Variants in TXLNB observed in about 807,000 individuals in gnomAD.
TXLNB encodes the protein taxilin beta, also known as beta-taxilin.
A neutral mutation model predicts 57.4 loss-of-function variants in TXLNB; 37 were observed. The ratio of observed to expected loss-of-function variants is 0.64; its 90% confidence interval spans 0.50 to 0.85. TXLNB has a LOEUF of 0.85. Ranked by LOEUF, TXLNB falls within the 40% of genes least tolerant of loss-of-function variation. The probability of loss-of-function intolerance (pLI) is 0.00; values close to 1 mark genes in which losing one functional copy is unlikely to be tolerated. For synonymous variants in TXLNB, 302 were observed against 309.6 expected (o/e 0.98, Z 0.26); for missense variants, 848 against 825.6 (o/e 1.03, Z -0.33).
the TXLNB span, chr6:139,203,428 C>T: frequency 6.6e-6 from 1 of 152,312 alleles, no homozygotes; most frequent in East Asian, 1.9e-4. Flanking sequence ...GCCAATGTCC[C>T]ATAATTGCTA....
chr6:139,293,824 TAA>T (rs1230861065), upstream of TXLNB, among the ~76,000 whole-genome samples: 1 of 152,078 alleles, frequency 6.6e-6, no homozygotes, highest in Non-Finnish European at 1.5e-5. Flanking sequence ...ATTTGATAAT[TAA>T]GTTAGTGAAT....
At chr6:139,200,488 A>T in the TXLNB span, among the ~76,000 whole-genome samples, 311 of 152,338 alleles carry the variant, frequency 2.0e-3, 1 homozygote, top group African/African-American at 7.3e-3. Context: ...GATATTGAGC[A>T]GGGAAAAACA....
the TXLNB span, among the ~76,000 whole-genome samples, chr6:139,161,573 T>C: frequency 3.9e-5 from 6 of 152,356 alleles, no homozygotes; most frequent in South Asian, 1.2e-3. Flanking sequence ...GTGCTCAGTA[T>C]TGGTTAAATG....
chr6:139,306,872 A>G, the TXLNB span, among the ~76,000 whole-genome samples: 1 of 152,158 alleles, frequency 6.6e-6, no homozygotes, highest in Admixed American at 6.5e-5. Context: ...CCATACTTGC[A>G]GCCAACTCAA....
At chr6:139,237,006 T>C (rs1482742887), downstream of TXLNB, among the ~76,000 whole-genome samples, 2 of 152,200 alleles carry the variant, frequency 1.3e-5, no homozygotes, top group African/African-American at 2.4e-5. Context: ...AGCTGTGGTG[T>C]TAAAGTGTAT....
chr6:139,281,033 A>C (rs918967531), intron 2 of TXLNB, among the ~76,000 whole-genome samples: 1 of 152,006 alleles, frequency 6.6e-6, no homozygotes, highest in Non-Finnish European at 1.5e-5. Flanking sequence ...GCCATCAACT[A>C]GTTGAGTGAT....
chr6:139,219,834 T>C, the TXLNB span, among the ~76,000 whole-genome samples: 2 of 152,230 alleles, frequency 1.3e-5, no homozygotes, highest in Admixed American at 6.5e-5. Flanking sequence ...GTTATACCTA[T>C]GAGCTGGCTT....
chr6:139,213,386 A>G, the TXLNB span, among the ~76,000 whole-genome samples: 1 of 152,240 alleles, frequency 6.6e-6, no homozygotes, highest in African/African-American at 2.4e-5. Flanking sequence ...TACTGGGTAC[A>G]TAACGAAATG....
At chr6:139,301,359 T>C in the TXLNB span, among the ~76,000 whole-genome samples, 1 of 152,194 alleles carries the variant, frequency 6.6e-6, no homozygotes, top group African/African-American at 2.4e-5. Flanking sequence ...GATGACCTTA[T>C]TAGGGTGAAA....
chr6:139,264,414 T>C (rs913532832), intron 4 of TXLNB, among the ~76,000 whole-genome samples: 1 of 151,280 alleles, frequency 6.6e-6, no homozygotes, highest in Non-Finnish European at 1.5e-5. Flanking sequence ...GAGTTGTTGT[T>C]TTTTTTTTAA....
chr6:139,292,317 C>T (rs1777320565), upstream of TXLNB, among the ~76,000 whole-genome samples: 1 of 152,126 alleles, frequency 6.6e-6, no homozygotes, highest in Non-Finnish European at 1.5e-5. This position sits in a 1 kb window ranked among gnomAD's most constrained non-coding sequence, Gnocchi z 4.0. Context: ...GTATATTACC[C>T]CCGTTGCAAA....
chr6:139,309,036 T>C, the TXLNB span, among the ~76,000 whole-genome samples: 4 of 152,130 alleles, frequency 2.6e-5, no homozygotes, highest in South Asian at 2.1e-4. Context: ...CAGCTAGGAG[T>C]AGCACATGGC....
the TXLNB span, among the ~76,000 whole-genome samples, chr6:139,302,734 A>G: frequency 6.6e-6 from 1 of 151,876 alleles, no homozygotes; most frequent in Admixed American, 6.6e-5. Flanking sequence ...CAGTGAGCTG[A>G]GATCGCACCA....
the TXLNB span, among the ~76,000 whole-genome samples, chr6:139,231,212 G>A: frequency 6.6e-6 from 1 of 152,136 alleles, no homozygotes; most frequent in Non-Finnish European, 1.5e-5. Flanking sequence ...TTGGAGATCT[G>A]GGTATCATTT....
At chr6:139,164,753 T>TTG in the TXLNB span, among the ~76,000 whole-genome samples, 3 of 152,062 alleles carry the variant, frequency 2.0e-5, no homozygotes, top group African/African-American at 7.3e-5. Flanking sequence ...TGAAGCACCC[T>TTG]TGTCATCCCA....
the TXLNB span, among the ~76,000 whole-genome samples, chr6:139,210,590 T>C: frequency 6.6e-6 from 1 of 152,164 alleles, no homozygotes; most frequent in Non-Finnish European, 1.5e-5. Context: ...CATTTCCAAC[T>C]GAGGTACTGG....
chr6:139,202,932 A>G, the TXLNB span, among the ~76,000 whole-genome samples: 4 of 152,174 alleles, frequency 2.6e-5, no homozygotes, highest in African/African-American at 9.7e-5. Context: ...AAGCTCCCAC[A>G]TATGAGTGAG....
At chr6:139,236,149 T>A (rs1775834034), downstream of TXLNB, among the ~76,000 whole-genome samples, 1 of 152,172 alleles carries the variant, frequency 6.6e-6, no homozygotes, top group African/African-American at 2.4e-5. Context: ...ATTTTTCTGG[T>A]ACACTAAGGT....
chr6:139,204,794 C>A, the TXLNB span, among the ~76,000 whole-genome samples: 7 of 152,266 alleles, frequency 4.6e-5, 1 homozygote, highest in African/African-American at 1.4e-4. Flanking sequence ...TTGAGACCAG[C>A]CTCGCCAACT....
Sources: gnomAD v4.1 joint callset for allele counts (sites outside exome capture counted in the v4.1 genomes callset) on GRCh38, gnomAD v4.1.1 for gene constraint, Gnocchi (gnomAD v3.1) non-coding constraint, MANE v1.5 for transcripts, NCBI Gene and HGNC (gene_info 2026-07-23, HGNC 2026-07-21) for gene names.